IQCK: variants seen among roughly 807,000 people sequenced by gnomAD.
IQCK encodes the protein IQ motif containing K.
A neutral mutation model predicts 28.1 loss-of-function variants in IQCK; 29 were observed. That is an observed-to-expected ratio of 1.03 (90% CI 0.77 to 1.41). IQCK has a LOEUF of 1.41. Ranked by LOEUF, IQCK falls within the 40% of genes most tolerant of loss-of-function variation. The pLI, the probability that IQCK is intolerant of heterozygous loss-of-function variation, is 0.00. For synonymous variants in IQCK, 113 were observed against 115.1 expected, an observed-to-expected ratio of 0.98 and a Z score of 0.12; for missense variants, 359 against 314.7, an observed-to-expected ratio of 1.14 and a Z score of -1.07.
exon 10 of IQCK, chr16:19,858,340 A>G (rs1280787180): frequency 2.2e-6 from 1 of 450,460 alleles, no homozygotes; most frequent in African/African-American, 2.0e-5. Flanking sequence ...AAAAGGTCTC[A>G]TTAAATGAGG....
intron 7 of IQCK, among the ~76,000 whole-genome samples, chr16:19,789,850 G>T (rs1014947936): frequency 9.4e-6 from 1 of 106,090 alleles, no homozygotes; most frequent in Non-Finnish European, 1.6e-5. Context: ...TCATTTTTGC[G>T]CATTCGTCTG....
intron 4 of IQCK, among the ~76,000 whole-genome samples, chr16:19,742,865 T>C (rs1168877230): frequency 1.3e-5 from 2 of 152,192 alleles, no homozygotes; most frequent in African/African-American, 2.4e-5. Flanking sequence ...TGAATGAATA[T>C]GGATTCTCAA....
chr16:19,847,200 A>C (rs943581990), intron 9 of IQCK, among the ~76,000 whole-genome samples: 2 of 152,218 alleles, frequency 1.3e-5, no homozygotes, highest in Non-Finnish European at 2.9e-5. Flanking sequence ...TGGCTAGTGC[A>C]AATTTCCTGA....
intron 7 of IQCK, among the ~76,000 whole-genome samples, chr16:19,810,451 C>T (rs2141066234): frequency 6.7e-6 from 1 of 150,184 alleles, no homozygotes; most frequent in Admixed American, 6.7e-5. Flanking sequence ...GAGCCGAGAT[C>T]GTGCCACTGC....
rs1174878420 is a variant in IQCK at position 19,780,353 on chromosome 16, A to T, written c.606-8485A>T. Among the ~76,000 whole-genome samples the T allele has an allele frequency of 2.6e-5, 4 of 151,956 alleles. No homozygotes were observed. In the East Asian group the frequency reaches 7.7e-4, roughly 29 times the overall value. The stretch of plus-strand genomic sequence containing the variant: ...CACTGTGCCCAGCCAAAAATTTATT[A>T]TGTTTTTTATAGAGACAGTGTTGCC... On this transcript the variant is annotated intron_variant, in intron 6 of 7. Transcript: ENST00000564186.
At chr16:19,736,194 T>C (rs1434240495) in intron 4 of IQCK, 4 of 455,656 alleles carry the variant, frequency 8.8e-6, no homozygotes, top group South Asian at 6.2e-5. Flanking sequence ...TGGAACACAG[T>C]AAGTGCTCAG....
chr16:19,843,908 G>A (rs1223495230), intron 9 of IQCK, among the ~76,000 whole-genome samples: 1 of 152,044 alleles, frequency 6.6e-6, no homozygotes, highest in Non-Finnish European at 1.5e-5. Context: ...GAATTCTGAG[G>A]GACATAACTC....
intron 7 of IQCK, 77 bp from the exon 8 acceptor site, chr16:19,826,949 A>C: frequency 1.1e-6 from 1 of 921,012 alleles, no homozygotes; most frequent in Admixed American, 1.9e-5. Context: ...TTTGTAAAGG[A>C]TTTTCCATGC....
chr16:19,727,164 T>TA (rs112581786), intron 1 of IQCK, among the ~76,000 whole-genome samples: 7,722 of 149,576 alleles, frequency 0.052, 652 homozygotes, highest in African/African-American at 0.18. Context: ...AAAGAAAAGA[T>TA]AGTCACTAAT....
At chr16:19,840,343 G>A (rs999252221) in intron 9 of IQCK, among the ~76,000 whole-genome samples, 4 of 152,012 alleles carry the variant, frequency 2.6e-5, no homozygotes, top group African/African-American at 9.7e-5. Flanking sequence ...GCGACAGAGC[G>A]AGACTCCGTT....
chr16:19,751,798 G>C (rs534077003), intron 4 of IQCK, among the ~76,000 whole-genome samples: 1 of 152,106 alleles, frequency 6.6e-6, no homozygotes, highest in Non-Finnish European at 1.5e-5. Context: ...TTGATCCTGA[G>C]ATCAAAATCT....
At chr16:19,756,112 A>G (rs1032544122) in intron 4 of IQCK, among the ~76,000 whole-genome samples, 27 of 152,250 alleles carry the variant, frequency 1.8e-4, no homozygotes, top group Admixed American at 9.8e-4. Context: ...TGAATCTGGG[A>G]AGTTGAGGCT....
intron 7 of IQCK, among the ~76,000 whole-genome samples, chr16:19,803,290 A>G (rs1457883179): frequency 2.0e-5 from 3 of 151,972 alleles, no homozygotes; most frequent in Admixed American, 2.0e-4. Flanking sequence ...TTACAGGCGC[A>G]CGCCACTGCA....
intron 6 of IQCK, among the ~76,000 whole-genome samples, chr16:19,774,453 GC>G (rs1422242347): frequency 7.3e-6 from 1 of 136,274 alleles, no homozygotes; most frequent in Non-Finnish European, 1.5e-5. Context: ...TGTTGCTCGG[GC>G]TGGAGTGCAG....
At chr16:19,852,968 G>T (rs1597615394) in intron 9 of IQCK, among the ~76,000 whole-genome samples, 2 of 152,198 alleles carry the variant, frequency 1.3e-5, no homozygotes, top group South Asian at 4.2e-4. Flanking sequence ...TGTGGCTTCG[G>T]CTCACTCATG....
rs1197468489 is a variant in IQCK, at chr16:19,782,998, TG to T, written c.606-5839del. Among the ~76,000 whole-genome samples, 11 of 138,778 alleles carry T rather than the reference TG, an allele frequency of 7.9e-5. 1 individual carries two copies. The highest frequency in any genetic ancestry group is 1.8e-4 in the African/African-American group (7 of 38,910). 91.0% of individuals were successfully genotyped at this position (138,778 alleles called of 152,430 possible). On this transcript the variant is annotated intron_variant, in intron 6 of 7. Coordinates refer to ENST00000564186, the Ensembl canonical transcript of IQCK. The stretch of plus-strand genomic sequence containing the variant: ...ATAGCGTTGATTCTTCTTCTTTTTT[TG>T]TGTGTGTGTGTGTGTGTGAGACGGA...
chr16:19,813,299 G>T (rs1034075715), intron 7 of IQCK, among the ~76,000 whole-genome samples: 2 of 152,216 alleles, frequency 1.3e-5, no homozygotes, highest in Admixed American at 1.3e-4. Flanking sequence ...TATTCATAGA[G>T]ATATTGAGTG....
At chr16:19,719,801 G>A (rs1251580883) in intron 1 of IQCK, among the ~76,000 whole-genome samples, 2 of 150,364 alleles carry the variant, frequency 1.3e-5, no homozygotes, top group South Asian at 4.2e-4. Flanking sequence ...AATCTCCTGA[G>A]TAGCTGGGAT....
chr16:19,763,707 T>C, intron 4 of IQCK, 141 bp from the exon 5 acceptor site: 1 of 652,922 alleles, frequency 1.5e-6, no homozygotes, highest in South Asian at 1.8e-5. Context: ...TCTCCCAAAG[T>C]GCTGGGATTA....
Sources: gnomAD v4.1 joint callset for allele counts (sites outside exome capture counted in the v4.1 genomes callset) on GRCh38, gnomAD v4.1.1 for gene constraint, MANE v1.5 for transcripts, NCBI Gene and HGNC (gene_info 2026-07-23, HGNC 2026-07-21) for gene names.